RMND1: variants seen among roughly 807,000 people sequenced by gnomAD.
RMND1 encodes the protein required for meiotic nuclear division 1 homolog, also known as required for meiotic nuclear division protein 1 homolog.
Under a neutral mutation model 54.0 loss-of-function variants are expected in RMND1, and 41 were observed. The ratio of observed to expected loss-of-function variants is 0.76; its 90% CI spans 0.59 to 0.98. The LOEUF is 0.98. Ranked by LOEUF, RMND1 falls within the 50% of genes least tolerant of loss-of-function variation. The pLI, the probability that RMND1 is intolerant of heterozygous loss-of-function variation, is 0.00. For missense variants in RMND1, 457 were observed against 532.0 expected (o/e 0.86, Z 1.39); for synonymous variants, 183 against 181.7 (o/e 1.01, Z -0.06).
chr6:151,451,313 C>T (rs1157445327), intron 1 of RMND1, among the ~76,000 whole-genome samples: 1 of 151,460 alleles, frequency 6.6e-6, no homozygotes, highest in Non-Finnish European at 1.5e-5. Context: ...TTTATTAATT[C>T]ATACTGCAAA....
At chr6:151,408,324 T>C (rs1712768237) in intron 10 of RMND1, among the ~76,000 whole-genome samples, 1 of 151,706 alleles carries the variant, frequency 6.6e-6, no homozygotes, top group South Asian at 2.1e-4. Context: ...AAACCCCGTC[T>C]CTACTAAAAA....
chr6:151,411,434 A>G (rs1234299015), intron 10 of RMND1: 1 of 152,186 alleles, frequency 6.6e-6, no homozygotes, highest in Non-Finnish European at 1.5e-5. Flanking sequence ...GAACCCCTTC[A>G]TGGAGGGACT....
intron 2 of RMND1, chr6:151,436,907 C>G (rs6557140): frequency 0.17 from 29,011 of 167,130 alleles, 2,784 homozygotes; most frequent in East Asian, 0.35. Context: ...GTTTAAGTCT[C>G]TCCAACCCTG....
At chr6:151,447,555 C>T (rs1257291681) in intron 1 of RMND1, among the ~76,000 whole-genome samples, 3 of 152,138 alleles carry the variant, frequency 2.0e-5, no homozygotes, top group African/African-American at 7.2e-5. Flanking sequence ...TACCCACTAC[C>T]TTGTATTTAC....
intron 2 of RMND1, chr6:151,444,771 T>C (rs188448273): frequency 6.6e-6 from 1 of 152,332 alleles, no homozygotes; most frequent in African/African-American, 2.4e-5. Flanking sequence ...GCAGAAAAAT[T>C]CCCAGAAACC....
chr6:151,441,497 A>T, intron 2 of RMND1, among the ~76,000 whole-genome samples: 1 of 152,144 alleles, frequency 6.6e-6, no homozygotes, highest in East Asian at 1.9e-4. Context: ...CAGCTTCAGG[A>T]TGGGGGGTGG....
chr6:151,421,430 A>G, intron 8 of RMND1, 109 bp from the exon 9 acceptor site: 2 of 673,304 alleles, frequency 3.0e-6, no homozygotes, highest in Non-Finnish European at 5.1e-6. Context: ...TCCTATGTAA[A>G]TATTTTTTAG....
intron 5 of RMND1, among the ~76,000 whole-genome samples, chr6:151,429,073 C>A (rs529513718): frequency 4.0e-5 from 6 of 150,730 alleles, no homozygotes; most frequent in South Asian, 4.2e-4. Context: ...TTGTATAAAG[C>A]ATGTTTTTTA....
rs200166704 is a variant in RMND1, at chr6:151,436,116, A to AC, written c.613+329_613+330insG. On this transcript the variant is annotated intron_variant, in intron 3 of 11. Coordinates refer to ENST00000444024, the MANE Select transcript of RMND1 (RefSeq NM_017909.4). ...GTGAAACTCCATCCCAAAAAACAAA[A>AC]AAAAAAAAAACACAAAACACACACA... The AC allele has an allele frequency of 4.2e-3, 780 of 183,534 alleles. 11 individuals carry two copies. The East Asian group carries it at 0.044, about 10-fold the overall frequency. The allele number at this position is 183,534 out of a possible 1,614,324, so 11.4% of individuals were successfully genotyped here.
intron 5 of RMND1, among the ~76,000 whole-genome samples, chr6:151,428,859 T>C (rs1028966976): frequency 1.3e-5 from 2 of 152,160 alleles, no homozygotes; most frequent in African/African-American, 2.4e-5. Context: ...GCTAGCCTGC[T>C]CTCCAAAGTA....
intron 10 of RMND1, among the ~76,000 whole-genome samples, chr6:151,406,285 C>G (rs980517568): frequency 6.6e-6 from 1 of 152,164 alleles, no homozygotes; most frequent in South Asian, 2.1e-4. Flanking sequence ...CCGATGCCTC[C>G]AAACAAGCTG....
At position 151,405,050 on chromosome 6, in the gene RMND1, G is replaced by T; in HGVS notation, c.*185C>A. The T allele has an allele frequency of 1.9e-6, 1 of 529,618 alleles. No homozygotes were observed. The highest frequency in any genetic ancestry group is 3.5e-5 in the East Asian group (1 of 28,314). 32.8% of individuals were successfully genotyped at this position (529,618 alleles called of 1,614,324 possible). On this transcript the variant is annotated 3_prime_UTR_variant, in exon 12 of 12. Transcript: ENST00000444024. ...CACCTGGCTAATTTTGGTATTTTTAGTAGAGATGGGGTTTCACCATGTTGG... is the reference window on the plus strand; with the variant it reads ...CACCTGGCTAATTTTGGTATTTTTATTAGAGATGGGGTTTCACCATGTTGG...
chr6:151,435,328 T>A (rs1780573182), intron 3 of RMND1, among the ~76,000 whole-genome samples: 2 of 152,008 alleles, frequency 1.3e-5, no homozygotes, highest in Admixed American at 1.3e-4. Context: ...GTATTTTTAG[T>A]AGAGATGGGG....
intron 7 of RMND1, 89 bp downstream of exon 7, chr6:151,423,436 C>G (rs766323728): frequency 2.4e-6 from 2 of 830,544 alleles, no homozygotes; most frequent in Non-Finnish European, 4.0e-6. Context: ...GTTGAGTATT[C>G]TGAAAATATA....
chr6:151,436,769 T>C, intron 2 of RMND1: 3 of 429,880 alleles, frequency 7.0e-6, no homozygotes, highest in Non-Finnish European at 1.3e-5. Flanking sequence ...ACTTGCTCCC[T>C]CCCGCCAGGC....
chr6:151,451,131 T>C (rs549235876), intron 1 of RMND1, among the ~76,000 whole-genome samples: 202 of 149,774 alleles, frequency 1.3e-3, no homozygotes, highest in Non-Finnish European at 2.5e-3. Context: ...TCTGCTGACC[T>C]TCCCTCCACT....
At chr6:151,423,313 A>G (rs886754893) in intron 7 of RMND1, among the ~76,000 whole-genome samples, 1 of 152,230 alleles carries the variant, frequency 6.6e-6, no homozygotes, top group Non-Finnish European at 1.5e-5. Context: ...TGGAGAGGTT[A>G]AGCTTTATTA....
chr6:151,408,708 G>A (rs1779711608), intron 10 of RMND1: 2 of 152,194 alleles, frequency 1.3e-5, no homozygotes, highest in Non-Finnish European at 2.9e-5. Flanking sequence ...CCTTAAAAGT[G>A]GAAATGCGGG....
chr6:151,439,362 T>C (rs77673671), intron 2 of RMND1, among the ~76,000 whole-genome samples: 15,176 of 152,290 alleles, frequency 0.1, 821 homozygotes, highest in Middle Eastern at 0.18. Context: ...TCAGCTACTA[T>C]AGTTTACAGC....
Sources: allele counts gnomAD v4.1 joint callset (sites outside exome capture counted in the v4.1 genomes callset), GRCh38; gene constraint gnomAD v4.1.1; transcripts MANE v1.5; gene names NCBI Gene and HGNC (gene_info 2026-07-23, HGNC 2026-07-21).